RAB11FIP4: variants seen among roughly 807,000 people sequenced by gnomAD.
RAB11FIP4 encodes the protein RAB11 family interacting protein 4.
In RAB11FIP4, 23 loss-of-function variants were observed where a neutral mutation model predicts 74.3. The observed-to-expected ratio is 0.31, with a 90% CI of 0.22 to 0.44. RAB11FIP4 has a LOEUF of 0.44. Among genes scored for constraint, RAB11FIP4 ranks in the 20% least tolerant of loss-of-function variants. The pLI, the probability that RAB11FIP4 is intolerant of heterozygous loss-of-function variation, is 1.00. For missense variants in RAB11FIP4, 630 were observed against 863.9 expected (o/e 0.73, Z 3.39); for synonymous variants, 360 against 359.9 (o/e 1.00, Z 0.00).
intron 3 of RAB11FIP4, chr17:31,488,365 C>T: frequency 2.8e-6 from 3 of 1,080,382 alleles, no homozygotes; most frequent in East Asian, 1.1e-4. Flanking sequence ...TGGCGGAGAG[C>T]GGACTTGGCC....
intron 3 of RAB11FIP4, among the ~76,000 whole-genome samples, chr17:31,514,127 T>G (rs1217889138): frequency 2.6e-5 from 4 of 152,236 alleles, no homozygotes; most frequent in Non-Finnish European, 5.9e-5. Context: ...CTGGTGCCCC[T>G]GCTTCTGCCC....
chr17:31,425,831 C>A (rs1041474604), intron 1 of RAB11FIP4, among the ~76,000 whole-genome samples: 1 of 152,212 alleles, frequency 6.6e-6, no homozygotes, highest in African/African-American at 2.4e-5. Context: ...CCCAGCCACG[C>A]ATGGTGTGTG....
chr17:31,392,751 T>G (rs1264298485), intron 1 of RAB11FIP4: 1 of 151,728 alleles, frequency 6.6e-6, no homozygotes, highest in African/African-American at 2.4e-5. Flanking sequence ...GTGGACGGAG[T>G]CATATCACTA....
intron 5 of RAB11FIP4, 146 bp from the exon 6 acceptor site, chr17:31,521,769 C>T (rs1207346998): frequency 2.4e-6 from 2 of 850,672 alleles, no homozygotes; most frequent in East Asian, 5.3e-5. Context: ...AAGGGATGAT[C>T]TGTTGCTATA....
chr17:31,399,510 C>G (rs541561891), intron 1 of RAB11FIP4, among the ~76,000 whole-genome samples: 1 of 151,952 alleles, frequency 6.6e-6, no homozygotes, highest in Non-Finnish European at 1.5e-5. Context: ...GTCAGGAGTT[C>G]GAGACCAGCC....
chr17:31,453,804 A>G (rs1312428038), intron 3 of RAB11FIP4, among the ~76,000 whole-genome samples: 2 of 151,650 alleles, frequency 1.3e-5, no homozygotes, highest in Admixed American at 6.6e-5. Context: ...AAAAAAAAAA[A>G]AAAAAAAAAG....
chr17:31,505,993 C>T (rs887866910), intron 3 of RAB11FIP4, among the ~76,000 whole-genome samples: 4 of 151,322 alleles, frequency 2.6e-5, no homozygotes, highest in Non-Finnish European at 5.9e-5. Context: ...GAGCCACGTT[C>T]AGCATGTTCC....
chr17:31,497,371 A>G (rs796362626), intron 3 of RAB11FIP4, among the ~76,000 whole-genome samples: 8 of 151,182 alleles, frequency 5.3e-5, no homozygotes, highest in East Asian at 1.9e-4. Flanking sequence ...CTCAAAAACA[A>G]AACAAAAAAA....
At chr17:31,495,460 G>A (rs868674573) in intron 3 of RAB11FIP4, among the ~76,000 whole-genome samples, 5 of 145,870 alleles carry the variant, frequency 3.4e-5, no homozygotes, top group Non-Finnish European at 5.9e-5. Flanking sequence ...CTGTAGCCTC[G>A]ACCTCCTGGG....
intron 3 of RAB11FIP4, among the ~76,000 whole-genome samples, chr17:31,505,515 A>T (rs59650462): frequency 0.078 from 5,780 of 74,112 alleles, 1,075 homozygotes; most frequent in African/African-American, 0.31. Context: ...TATATATAAT[A>T]ATTATATATT....
chr17:31,506,760 C>T (rs1378814703), intron 3 of RAB11FIP4, among the ~76,000 whole-genome samples: 6 of 152,248 alleles, frequency 3.9e-5, no homozygotes, highest in African/African-American at 1.4e-4. Flanking sequence ...TATATATACA[C>T]CCCATTTTAA....
chr17:31,444,705 T>C (rs2071435351), intron 3 of RAB11FIP4, among the ~76,000 whole-genome samples: 1 of 152,162 alleles, frequency 6.6e-6, no homozygotes, highest in African/African-American at 2.4e-5. Context: ...TGACAAAACC[T>C]TGGAGAGGCT....
At chr17:31,465,177 G>T (rs1039150958) in intron 3 of RAB11FIP4, among the ~76,000 whole-genome samples, 55 of 152,224 alleles carry the variant, frequency 3.6e-4, no homozygotes, top group African/African-American at 1.3e-3. Context: ...GCTATGTTGA[G>T]GCCAGACTAG....
At chr17:31,505,267 C>T (rs1032662292) in intron 3 of RAB11FIP4, among the ~76,000 whole-genome samples, 1 of 149,080 alleles carries the variant, frequency 6.7e-6, no homozygotes, top group African/African-American at 2.5e-5. Context: ...TTTCATTAGC[C>T]TTTAATCTAC....
rs1366425130 is a variant in RAB11FIP4, at chr17:31,528,939, C to G, written c.1653+161C>G. On this transcript the variant is annotated intron_variant, in intron 13 of 14. Coordinates refer to ENST00000621161, the MANE Select transcript of RAB11FIP4 (RefSeq NM_032932.6). ...CAGGGCTGACTGCCCCATTTCACAG[C>G]TCAGGAAAATCGATCCAAAGATCTC... Among the ~76,000 whole-genome samples the G allele has an allele frequency of 2.6e-5, 4 of 152,188 alleles. No individual in the cohort carries two copies. The East Asian group carries it at 7.7e-4, about 29-fold the overall frequency.
chr17:31,513,706 C>T lies in RAB11FIP4; in HGVS notation c.337-3945C>T, dbSNP rs527507584. Among the ~76,000 whole-genome samples the T allele has an allele frequency of 4.9e-4, 74 of 152,300 alleles. No homozygotes were observed. The South Asian group carries it at 0.015, about 31-fold the overall frequency. Reference sequence around the variant, plus strand: ...GTTTTAAAGTTATAATTAAAATTTCCGATTGCCTTGGACAAACAACTGTGG... The same window carrying T: ...GTTTTAAAGTTATAATTAAAATTTCTGATTGCCTTGGACAAACAACTGTGG... On this transcript the variant is annotated intron_variant, in intron 3 of 14. Coordinates refer to ENST00000621161, the MANE Select transcript of RAB11FIP4 (RefSeq NM_032932.6).
chr17:31,510,755 C>T (rs1237044708), intron 3 of RAB11FIP4, among the ~76,000 whole-genome samples: 1 of 152,174 alleles, frequency 6.6e-6, no homozygotes, highest in African/African-American at 2.4e-5. Context: ...AGCCGAGCTG[C>T]AGCCCAGTGA....
chr17:31,457,966 G>A (rs2071595293), intron 3 of RAB11FIP4, among the ~76,000 whole-genome samples: 1 of 152,114 alleles, frequency 6.6e-6, no homozygotes, highest in African/African-American at 2.4e-5. Flanking sequence ...GTCTCAGCAG[G>A]AGCCAGACAA....
rs1218182972 is a variant in RAB11FIP4, at chr17:31,512,056, C to T, written c.337-5595C>T. ...GTTCTCCAGCTCTCTCCAGAATGCCCTGGCCTCAGGTAATTCCTCAGCTTG... is the reference window on the plus strand; with the variant it reads ...GTTCTCCAGCTCTCTCCAGAATGCCTTGGCCTCAGGTAATTCCTCAGCTTG... On this transcript the variant is annotated intron_variant, in intron 3 of 14. Coordinates refer to ENST00000621161, the MANE Select transcript of RAB11FIP4 (RefSeq NM_032932.6). This position sits in a 1 kb window ranked among gnomAD's most constrained non-coding sequence, Gnocchi z 4.1. 1.3e-5 allele frequency among the ~76,000 whole-genome samples: 2 copies of T among 152,180 alleles called. No individual in the cohort carries two copies. Among genetic ancestry groups the T allele is most frequent in the Non-Finnish European group, 2.9e-5 (2 of 68,014 alleles).
Sources: gnomAD v4.1 joint callset for allele counts (sites outside exome capture counted in the v4.1 genomes callset) on GRCh38, gnomAD v4.1.1 for gene constraint, Gnocchi (gnomAD v3.1) non-coding constraint, MANE v1.5 for transcripts, NCBI Gene and HGNC (gene_info 2026-07-23, HGNC 2026-07-21) for gene names.